The following HK2 variants were observed in gnomAD, a reference collection of about 807,000 sequenced individuals.
The protein encoded by HK2 is hexokinase-2.
A neutral mutation model predicts 92.9 loss-of-function variants in HK2; 42 were observed. The ratio of observed to expected loss-of-function variants is 0.45; its 90% CI spans 0.35 to 0.58. HK2 has a LOEUF of 0.58. HK2 is among the 20% of genes least tolerant of loss of function. The pLI, the probability that HK2 is intolerant of heterozygous loss-of-function variation, is 0.00. For synonymous variants in HK2, 422 were observed against 468.0 expected, an observed-to-expected ratio of 0.90 and a Z score of 1.27; for missense variants, 978 against 1,245.1, an observed-to-expected ratio of 0.79 and a Z score of 3.23.
chr2:74,890,819 A>G lies in HK2; in HGVS notation c.2632A>G (p.Thr878Ala), dbSNP rs1212232272. 6.2e-7 allele frequency: 1 copy of G among 1,614,106 alleles called. No individual in the cohort carries two copies. Among genetic ancestry groups the G allele is most frequent in the African/African-American group, 1.3e-5 (1 of 75,006 alleles). ...HPHFAKVMHE[T>A]VKDLAPKCDV... ...CAGCTTTGCCAAAGTCATGCATGAG[A>G]CAGTGAAGGACCTGGCTCCGAAATG... Residue 878 changes from threonine (T) to alanine (A), a missense_variant, in exon 18 of 18, where the codon ACA (threonine) becomes GCA (alanine). By Grantham distance (58) the Thr-to-Ala change is moderately conservative (BLOSUM62 0). Transcript: ENST00000290573.
Position 74,856,269 on chromosome 2 carries a change from C to G in HK2, c.226+1814C>G, listed in dbSNP as rs148139869. ...CCTAAGTGCCTCTAGGGACCTGGTT[C>G]GTCTGAGACTGTATCGTTCCCAAAA... On this transcript the variant is annotated intron_variant, in intron 2 of 17. Coordinates refer to ENST00000290573, the MANE Select transcript of HK2 (RefSeq NM_000189.5). Among the ~76,000 whole-genome samples, 465 of 152,246 alleles carry G rather than the reference C, an allele frequency of 3.1e-3. 3 individuals are homozygous for G. The highest frequency in any genetic ancestry group is 0.011 in the African/African-American group (443 of 41,526).
At chr2:74,869,314 A>G (rs544073435) in intron 3 of HK2, among the ~76,000 whole-genome samples, 31 of 152,354 alleles carry the variant, frequency 2.0e-4, no homozygotes, top group African/African-American at 7.2e-4. Flanking sequence ...CACTTGGAAA[A>G]AAGGCTGAAA....
chr2:74,880,425 C>T lies in HK2; in HGVS notation c.1426C>T (p.His476Tyr), dbSNP rs1558803148. ...CCGTGCCCGCCAGAAGACATTAGAG[C>T]ATCTGCAGCTGAGCCATGACCAGCT... ...QHRARQKTLE[H>Y]LQLSHDQLLE... The change falls in exon 10 of 18, where the codon CAT becomes TAT. Residue 476 changes from histidine (H) to tyrosine (Y), a missense_variant. His to Tyr is a moderately conservative substitution (Grantham distance 83). Around this residue, in one of 3 missense-constraint regions of HK2, gnomAD observed 742 missense variants for 922.5 expected, o/e 0.80. Transcript: ENST00000290573. 1 of 1,614,238 alleles carries T rather than the reference C, an allele frequency of 6.2e-7. No individual in the cohort carries two copies. Among genetic ancestry groups the T allele is most frequent in the East Asian group, 2.2e-5 (1 of 44,892 alleles).
In HK2 at chr2:74,891,030, C is replaced by A. The variant is rs1475192903; in HGVS notation, c.*89C>A. The A allele has an allele frequency of 2.0e-6, 3 of 1,498,630 alleles. No homozygotes were observed. The highest frequency in any genetic ancestry group is 1.4e-5 in the African/African-American group (1 of 72,454). 92.8% of individuals were successfully genotyped at this position (1,498,630 alleles called of 1,614,324 possible). On this transcript the variant is annotated 3_prime_UTR_variant, in exon 18 of 18. Transcript: ENST00000290573. ...GTCATCCCCTTGTGTCAGAGACAGA[C>A]CCCTTGGCTTTTGCTTGGCAGAGAG...
chr2:74,847,601 A>G (rs1444426702), intron 1 of HK2, among the ~76,000 whole-genome samples: 1 of 152,194 alleles, frequency 6.6e-6, no homozygotes, highest in African/African-American at 2.4e-5. Context: ...TGGAAGGATC[A>G]TGAGCCCAGG....
chr2:74,873,725 A>T (rs1484615327), intron 5 of HK2, 119 bp from the exon 6 acceptor site: 2 of 695,880 alleles, frequency 2.9e-6, no homozygotes, highest in East Asian at 2.8e-5. Flanking sequence ...AGTTATGGGG[A>T]GGGAGGGGGG....
intron 2 of HK2, among the ~76,000 whole-genome samples, chr2:74,856,008 A>T (rs113824334): frequency 3.9e-5 from 6 of 152,156 alleles, no homozygotes; most frequent in South Asian, 2.1e-4. Context: ...AGGTACTCAC[A>T]TCTAGAGGAC....
chr2:74,849,406 C>T (rs1205864636), intron 1 of HK2, among the ~76,000 whole-genome samples: 3 of 152,174 alleles, frequency 2.0e-5, no homozygotes, highest in Admixed American at 1.3e-4. Flanking sequence ...CTGTCTAACA[C>T]GCCCTCGCTT....
intron 2 of HK2, among the ~76,000 whole-genome samples, chr2:74,855,047 C>T (rs1279649712): frequency 4.6e-5 from 7 of 152,254 alleles, no homozygotes; most frequent in Admixed American, 3.9e-4. Context: ...CCCAGGCTGG[C>T]GTGCAATGAT....
chr2:74,834,551 C>G lies in HK2; in HGVS notation c.-30C>G. ...CCCTCTCGCGTCTCCGCCTCGGTTT[C>G]CCAACTCTGCGCCGTCGGGCCGCGG... On this transcript the variant is annotated 5_prime_UTR_variant, in exon 1 of 18. Coordinates refer to ENST00000290573, the MANE Select transcript of HK2 (RefSeq NM_000189.5). The surrounding 1 kb of genome is among the most constrained non-coding windows in gnomAD (Gnocchi z 4.2). 1 of 1,613,158 alleles carries G rather than the reference C, an allele frequency of 6.2e-7. No individual in the cohort carries two copies. The highest frequency in any genetic ancestry group is 1.1e-5 in the South Asian group (1 of 91,056).
chr2:74,859,785 A>G (rs914973708), intron 2 of HK2, among the ~76,000 whole-genome samples: 1 of 152,230 alleles, frequency 6.6e-6, no homozygotes, highest in Non-Finnish European at 1.5e-5. Context: ...AAGAACTAAA[A>G]ATAGAACTGC....
intron 1 of HK2, among the ~76,000 whole-genome samples, chr2:74,835,792 G>A (rs1361895983): frequency 1.3e-5 from 2 of 152,202 alleles, no homozygotes; most frequent in Non-Finnish European, 2.9e-5. Context: ...GCAACGGAGC[G>A]TTGCTCAGTT....
intron 1 of HK2, among the ~76,000 whole-genome samples, chr2:74,847,222 T>C (rs1038595436): frequency 1.3e-5 from 2 of 152,242 alleles, no homozygotes; most frequent in African/African-American, 4.8e-5. Context: ...AATTCAGCCC[T>C]CTACCAGGAG....
intron 1 of HK2, among the ~76,000 whole-genome samples, chr2:74,838,073 T>A (rs551489652): frequency 1.3e-5 from 2 of 152,204 alleles, no homozygotes; most frequent in Non-Finnish European, 2.9e-5. Context: ...TCTTTCTGCT[T>A]CCTTCTCCCC....
In HK2 at chr2:74,834,502, C is replaced by T. The variant is rs1688100176; in HGVS notation, c.-79C>T. The T allele has an allele frequency of 2.8e-6, 4 of 1,420,002 alleles. No homozygotes were observed. Among genetic ancestry groups the T allele is most frequent in the Admixed American group, 1.7e-5 (1 of 58,774 alleles). 88.0% of individuals were successfully genotyped at this position (1,420,002 alleles called of 1,614,324 possible). On this transcript the variant is annotated 5_prime_UTR_variant, in exon 1 of 18. Coordinates refer to ENST00000290573, the MANE Select transcript of HK2 (RefSeq NM_000189.5). This position sits in a 1 kb window ranked among gnomAD's most constrained non-coding sequence, Gnocchi z 4.2. ...CCGGCAGCCGAGCCCCAGCACAAAG[C>T]AGTCGGACCGCGCCGCCCGCCTCCC...
chr2:74,841,405 C>G lies in HK2; in HGVS notation c.63+6762C>G, dbSNP rs1395036215. ...ATAGCTCCCCACAACAAAAAATTACCTGGCCCAAAATGTCTACAGTGTCAA... is the reference window on the plus strand; with the variant it reads ...ATAGCTCCCCACAACAAAAAATTACGTGGCCCAAAATGTCTACAGTGTCAA... On this transcript the variant is annotated intron_variant, in intron 1 of 17. Transcript: ENST00000290573. Among the ~76,000 whole-genome samples the G allele has an allele frequency of 3.9e-5, 6 of 152,098 alleles. No individual in the cohort carries two copies. In the East Asian group the frequency reaches 1.2e-3, roughly 29 times the overall value.
intron 16 of HK2, among the ~76,000 whole-genome samples, chr2:74,888,272 C>T (rs890429968): frequency 6.6e-6 from 1 of 152,232 alleles, no homozygotes; most frequent in African/African-American, 2.4e-5. Context: ...TGTGCTAAGC[C>T]TGGCCTGAGG....
chr2:74,880,055 G>A (rs1250572604), intron 9 of HK2, among the ~76,000 whole-genome samples: 6 of 152,184 alleles, frequency 3.9e-5, no homozygotes, highest in African/African-American at 1.2e-4. Flanking sequence ...TTTCATTGGC[G>A]GGGGTGAACC....
chr2:74,874,260 T>C lies in HK2; in HGVS notation c.692-6T>C. 6.2e-7 allele frequency: 1 copy of C among 1,614,122 alleles called. No individual in the cohort carries two copies. The highest frequency in any genetic ancestry group is 1.1e-5 in the South Asian group (1 of 91,070). ...GCGTGTGCATAGCCGTCCCTTGTTTTGGCAGGCACGGGCAGCAACGCCTGC... is the reference window on the plus strand; with the variant it reads ...GCGTGTGCATAGCCGTCCCTTGTTTCGGCAGGCACGGGCAGCAACGCCTGC... On this transcript the variant is annotated splice_region_variant and splice_polypyrimidine_tract_variant and intron_variant, in intron 6 of 17. Coordinates refer to ENST00000290573, the MANE Select transcript of HK2 (RefSeq NM_000189.5).
Sources: gnomAD v4.1 joint callset for allele counts (sites outside exome capture counted in the v4.1 genomes callset) on GRCh38, gnomAD v4.1.1 for gene constraint, gnomAD v4.1.1 regional missense constraint, Gnocchi (gnomAD v3.1) non-coding constraint, MANE v1.5 for transcripts, NCBI Gene and HGNC (gene_info 2026-07-23, HGNC 2026-07-21) for gene names.